RIMS1: variants seen among roughly 807,000 people sequenced by gnomAD.
The protein encoded by RIMS1 is regulating synaptic membrane exocytosis 1, also known as regulating synaptic membrane exocytosis protein 1.
Under a neutral mutation model 214.1 loss-of-function variants are expected in RIMS1, and 83 were observed. The ratio of observed to expected loss-of-function variants is 0.39; its 90% CI spans 0.32 to 0.47. RIMS1 has a LOEUF of 0.47. Ranked by LOEUF, RIMS1 falls within the 20% of genes least tolerant of loss-of-function variation. The probability of loss-of-function intolerance (pLI) is 0.99; values close to 1 mark genes in which losing one functional copy is unlikely to be tolerated. For missense variants in RIMS1, 2,050 were observed against 2,161.8 expected (o/e 0.95, Z 1.03); for synonymous variants, 793 against 786.8 (o/e 1.01, Z -0.13).
At chr6:72,108,902 C>T (rs2035379456) in intron 4 of RIMS1, among the ~76,000 whole-genome samples, 1 of 142,244 alleles carries the variant, frequency 7.0e-6, no homozygotes, top group Non-Finnish European at 1.5e-5. Context: ...TTCCTGTGTC[C>T]ATGTGTTCTC....
intron 2 of RIMS1, among the ~76,000 whole-genome samples, chr6:72,077,198 A>G (rs1201339170): frequency 6.6e-6 from 1 of 152,108 alleles, no homozygotes; most frequent in Non-Finnish European, 1.5e-5. Context: ...AATCCTGTCT[A>G]TGTAGCCATG....
At chr6:72,160,687 A>T (rs1313856548) in intron 4 of RIMS1, among the ~76,000 whole-genome samples, 2 of 140,896 alleles carry the variant, frequency 1.4e-5, no homozygotes, top group African/African-American at 2.5e-5. Context: ...GCTTACGTTT[A>T]TTGATTTTCA....
chr6:72,171,930 A>T (rs1014732792), intron 4 of RIMS1, among the ~76,000 whole-genome samples: 1 of 152,194 alleles, frequency 6.6e-6, no homozygotes, highest in Non-Finnish European at 1.5e-5. Flanking sequence ...TTATAAAAGC[A>T]CTTTCTGAGC....
At chr6:72,239,138 A>G (rs1399488924) in intron 9 of RIMS1, among the ~76,000 whole-genome samples, 1 of 152,168 alleles carries the variant, frequency 6.6e-6, no homozygotes, top group African/African-American at 2.4e-5. Flanking sequence ...AAGCCTCAGA[A>G]AGTCTGAGAA....
chr6:72,398,585 G>T (rs572058202), intron 32 of RIMS1, among the ~76,000 whole-genome samples: 14 of 152,032 alleles, frequency 9.2e-5, no homozygotes, highest in Admixed American at 8.5e-4. Context: ...GTTTAGTTAT[G>T]GTCGTTTCTT....
At chr6:72,283,476 CTT>C (rs1169224420) in intron 23 of RIMS1, among the ~76,000 whole-genome samples, 5 of 152,106 alleles carry the variant, frequency 3.3e-5, no homozygotes, top group South Asian at 2.1e-4. Context: ...ATAAAAGCAT[CTT>C]TATGAAAAAT....
At chr6:71,958,711 C>T (rs1792034861) in intron 1 of RIMS1, among the ~76,000 whole-genome samples, 1 of 152,024 alleles carries the variant, frequency 6.6e-6, no homozygotes, top group African/African-American at 2.4e-5. Flanking sequence ...CTGGAAATGA[C>T]AGTTCAGGAA....
intron 6 of RIMS1, among the ~76,000 whole-genome samples, chr6:72,204,635 G>A (rs1329195596): frequency 1.3e-5 from 2 of 152,104 alleles, no homozygotes; most frequent in African/African-American, 4.8e-5. Context: ...ATGTTTGCAT[G>A]TGCTTTCCTA....
chr6:72,261,953 T>A lies in RIMS1; in HGVS notation c.3116+1186T>A, dbSNP rs149443121. On this transcript the variant is annotated intron_variant, in intron 19 of 33. Coordinates refer to ENST00000521978, the MANE Select transcript of RIMS1 (RefSeq NM_014989.7). ...AACTATCCAGGTTTATTATTACTTG[T>A]TCTTGACAAACAGTTTCTTAAAATA... 4.4e-4 allele frequency: 432 copies of A among 984,582 alleles called. 3 individuals are homozygous for A. In the African/African-American group the frequency reaches 5.5e-3, roughly 13 times the overall value. 61.0% of individuals were successfully genotyped at this position (984,582 alleles called of 1,614,324 possible).
At chr6:72,307,499 C>A in intron 27 of RIMS1, 129 bp downstream of exon 27, 2 of 547,972 alleles carry the variant, frequency 3.6e-6, no homozygotes, top group Non-Finnish European at 6.2e-6. Context: ...TAGCTCACAC[C>A]TGTAATCCCA....
At chr6:72,038,448 T>C (rs766035582) in intron 2 of RIMS1, among the ~76,000 whole-genome samples, 1 of 151,996 alleles carries the variant, frequency 6.6e-6, no homozygotes, top group Non-Finnish European at 1.5e-5. Flanking sequence ...ACCCTTCAAA[T>C]GTTCATGTCA....
intron 2 of RIMS1, among the ~76,000 whole-genome samples, chr6:72,028,298 G>A (rs1276503039): frequency 6.6e-6 from 1 of 151,720 alleles, no homozygotes; most frequent in African/African-American, 2.4e-5. Context: ...ATTTAGTTAT[G>A]TTTGTTAAAC....
chr6:72,307,696 G>A (rs140571058), intron 27 of RIMS1, among the ~76,000 whole-genome samples: 3 of 151,896 alleles, frequency 2.0e-5, no homozygotes, highest in East Asian at 1.9e-4. Flanking sequence ...GCAGTGAGCC[G>A]AGATCGCACC....
At chr6:72,167,206 T>C (rs949247303) in intron 4 of RIMS1, among the ~76,000 whole-genome samples, 1 of 151,836 alleles carries the variant, frequency 6.6e-6, no homozygotes, top group Non-Finnish European at 1.5e-5. Context: ...ACATATATTT[T>C]ATATATAAAA....
In RIMS1 at chr6:72,400,994, C is replaced by T. The variant is rs9446637; in HGVS notation, c.*280C>T. On this transcript the variant is annotated 3_prime_UTR_variant, in exon 34 of 34. Transcript: ENST00000521978. ...AGGAAACTTTAAATCCACGCATACA[C>T]GTACACACACACATGCACACACACA... 6.7e-3 allele frequency: 2,548 copies of T among 378,516 alleles called. 62 individuals carry two copies. Among genetic ancestry groups the T allele is most frequent in the African/African-American group, 0.049 (2,405 of 49,332 alleles). 23.4% of individuals were successfully genotyped at this position (378,516 alleles called of 1,614,324 possible).
intron 6 of RIMS1, among the ~76,000 whole-genome samples, chr6:72,193,038 T>C (rs1165353005): frequency 6.6e-6 from 1 of 152,232 alleles, no homozygotes; most frequent in East Asian, 1.9e-4. Flanking sequence ...CTTAAAGGGC[T>C]CTTCACCAGT....
intron 6 of RIMS1, among the ~76,000 whole-genome samples, chr6:72,221,633 C>G (rs2058469521): frequency 6.6e-6 from 1 of 151,814 alleles, no homozygotes; most frequent in South Asian, 2.1e-4. Flanking sequence ...TAAAAAGAAA[C>G]TGAGGTTGAG....
intron 4 of RIMS1, among the ~76,000 whole-genome samples, chr6:72,103,112 A>G (rs563297413): frequency 7.2e-5 from 11 of 152,240 alleles, no homozygotes; most frequent in African/African-American, 2.4e-4. Context: ...AAATACATCA[A>G]TAAGAAAAGT....
At chr6:72,366,938 A>C in intron 29 of RIMS1, 1 of 891,070 alleles carries the variant, frequency 1.1e-6, no homozygotes, top group Non-Finnish European at 1.3e-6. Flanking sequence ...TTTTCATAAA[A>C]CCTAGCCAAA....
Sources: allele counts gnomAD v4.1 joint callset (sites outside exome capture counted in the v4.1 genomes callset), GRCh38; gene constraint gnomAD v4.1.1; transcripts MANE v1.5; gene names NCBI Gene and HGNC (gene_info 2026-07-23, HGNC 2026-07-21).